The following EFHD1 variants were observed in gnomAD, a reference collection of about 807,000 sequenced individuals.
EFHD1 encodes EF-hand domain family member D1.
In EFHD1, 10 loss-of-function variants were observed where a neutral mutation model predicts 17.2. The ratio of observed to expected loss-of-function variants is 0.58; its 90% CI spans 0.36 to 0.99. The LOEUF (loss-of-function observed/expected upper bound fraction) is 0.99, where lower values mean the gene tolerates loss of function less well. Among genes scored for constraint, EFHD1 ranks in the 50% least tolerant of loss-of-function variants. The pLI, the probability that EFHD1 is intolerant of heterozygous loss-of-function variation, is 0.01. For missense variants in EFHD1, 310 were observed against 327.5 expected (o/e 0.95, Z 0.41); for synonymous variants, 153 against 142.0 (o/e 1.08, Z -0.55).
intron 1 of EFHD1, among the ~76,000 whole-genome samples, chr2:232,652,200 T>A (rs190423367): frequency 6.3e-4 from 96 of 152,326 alleles, no homozygotes; most frequent in Non-Finnish European, 1.1e-3. Flanking sequence ...GAACAATGAA[T>A]TCCTTTGCAT....
chr2:232,641,754 C>A (rs1694436188), intron 1 of EFHD1, among the ~76,000 whole-genome samples: 1 of 152,228 alleles, frequency 6.6e-6, no homozygotes, highest in Non-Finnish European at 1.5e-5. Context: ...GAATCCAGAG[C>A]CTGATCTCAT....
At chr2:232,672,194 A>G (rs1166522620) in intron 2 of EFHD1, 115 bp from the exon 3 acceptor site, 5 of 1,411,152 alleles carry the variant, frequency 3.5e-6, no homozygotes, top group Admixed American at 1.7e-5. Context: ...TGCCACATGC[A>G]TACATAAACA....
chr2:232,628,773 T>C (rs1694150178), upstream of EFHD1, among the ~76,000 whole-genome samples: 1 of 152,170 alleles, frequency 6.6e-6, no homozygotes, highest in African/African-American at 2.4e-5. Flanking sequence ...AATTTCTCCC[T>C]GGAGAGGTAG....
At chr2:232,654,561 C>G (rs537907212) in intron 1 of EFHD1, among the ~76,000 whole-genome samples, 64 of 151,784 alleles carry the variant, frequency 4.2e-4, no homozygotes, top group African/African-American at 1.5e-3. Context: ...GCTGGGATTA[C>G]AGGTGTGGGT....
intron 1 of EFHD1, among the ~76,000 whole-genome samples, chr2:232,649,556 A>ACTC (rs1450375198): frequency 6.6e-6 from 1 of 152,138 alleles, no homozygotes; most frequent in African/African-American, 2.4e-5. Flanking sequence ...GCAGCTTGTT[A>ACTC]GAGTGGAAGC....
intron 1 of EFHD1, chr2:232,638,343 A>G (rs1055825953): frequency 2.1e-6 from 1 of 470,964 alleles, no homozygotes; most frequent in Non-Finnish European, 4.4e-6. Context: ...TTGTGTTTTA[A>G]TTCCCCAAAG....
chr2:232,634,642 G>A (rs967172183), intron 1 of EFHD1, among the ~76,000 whole-genome samples: 1 of 152,144 alleles, frequency 6.6e-6, no homozygotes, highest in African/African-American at 2.4e-5. Context: ...GGCTCGTTGC[G>A]GTCCTGCTCT....
intron 3 of EFHD1, among the ~76,000 whole-genome samples, chr2:232,676,341 C>G (rs1287047115): frequency 6.6e-6 from 1 of 152,174 alleles, no homozygotes; most frequent in Non-Finnish European, 1.5e-5. Context: ...AGTTTCTGAT[C>G]ACATCCTGTT....
chr2:232,665,050 A>G (rs956441912), intron 2 of EFHD1, among the ~76,000 whole-genome samples: 1 of 151,074 alleles, frequency 6.6e-6, no homozygotes, highest in Non-Finnish European at 1.5e-5. Flanking sequence ...TAGCTGGACC[A>G]CAGGCACGTA....
chr2:232,673,014 C>G (rs1695107395), intron 3 of EFHD1, among the ~76,000 whole-genome samples: 1 of 152,244 alleles, frequency 6.6e-6, no homozygotes. Context: ...GCCTTAAACA[C>G]TGGCACCATG....
At chr2:232,676,571 G>A (rs1695176680) in intron 3 of EFHD1, among the ~76,000 whole-genome samples, 1 of 152,178 alleles carries the variant, frequency 6.6e-6, no homozygotes, top group South Asian at 2.1e-4. Flanking sequence ...GCCGGGGGTG[G>A]AGTCAGTCTC....
At chr2:232,627,064 AT>A (rs56085382) in intron 1 of EFHD1, among the ~76,000 whole-genome samples, 3,647 of 91,906 alleles carry the variant, frequency 0.04, 81 homozygotes, top group South Asian at 0.048. Flanking sequence ...ATATATATAT[AT>A]TTTTTTTTTT....
intron 3 of EFHD1, among the ~76,000 whole-genome samples, chr2:232,673,164 C>T (rs1379763107): frequency 6.6e-6 from 1 of 152,210 alleles, no homozygotes; most frequent in Admixed American, 6.5e-5. Context: ...TGTTGCCCTT[C>T]CCAGGGCACA....
intron 1 of EFHD1, among the ~76,000 whole-genome samples, chr2:232,609,128 C>T (rs1279273529): frequency 7.5e-6 from 1 of 133,706 alleles, no homozygotes; most frequent in African/African-American, 2.8e-5. Flanking sequence ...GGTGCAATCT[C>T]GGCTCACTGC....
intron 1 of EFHD1, among the ~76,000 whole-genome samples, chr2:232,621,541 C>T (rs1337145387): frequency 6.6e-6 from 1 of 152,152 alleles, no homozygotes; most frequent in Non-Finnish European, 1.5e-5. Flanking sequence ...CAACCTCCAC[C>T]TCCCGGGTTC....
chr2:232,678,903 A>G (rs574073694), intron 3 of EFHD1, among the ~76,000 whole-genome samples: 2 of 152,338 alleles, frequency 1.3e-5, no homozygotes, highest in East Asian at 3.9e-4. Context: ...TTAGCTATGC[A>G]CTTGTGAAGA....
intron 1 of EFHD1, among the ~76,000 whole-genome samples, chr2:232,647,347 G>A (rs561022137): frequency 2.6e-5 from 4 of 152,232 alleles, no homozygotes; most frequent in Non-Finnish European, 4.4e-5. Context: ...ATGGCCTGGC[G>A]CCCTGTAGTC....
At chr2:232,635,784 A>G (rs2106194487) in intron 1 of EFHD1, among the ~76,000 whole-genome samples, 1 of 151,846 alleles carries the variant, frequency 6.6e-6, no homozygotes, top group African/African-American at 2.4e-5. Context: ...ACACCATTGC[A>G]CTCCAGCCAG....
Position 232,681,872 on chromosome 2 carries a change from C to A in EFHD1, c.*153C>A. The A allele has an allele frequency of 8.0e-7, 1 of 1,257,288 alleles. No individual in the cohort carries two copies. The highest frequency in any genetic ancestry group is 1.1e-6 in the Non-Finnish European group (1 of 934,850). The allele number at this position is 1,257,288 out of a possible 1,614,324, so 77.9% of individuals were successfully genotyped here. A position where few individuals can be genotyped will look rare whatever the true frequency, so the allele number is the denominator to read the frequency against. On this transcript the variant is annotated 3_prime_UTR_variant, in exon 4 of 4. Coordinates refer to ENST00000264059, the MANE Select transcript of EFHD1 (RefSeq NM_025202.4). ...AGCTCCCGTGCCAGCCTTCATTCCTCCCAGTGTCCAAGCCCCTCCAGGAGG... is the reference window on the plus strand; with the variant it reads ...AGCTCCCGTGCCAGCCTTCATTCCTACCAGTGTCCAAGCCCCTCCAGGAGG...
Sources: gnomAD v4.1 joint callset for allele counts (sites outside exome capture counted in the v4.1 genomes callset) on GRCh38, gnomAD v4.1.1 for gene constraint, MANE v1.5 for transcripts, NCBI Gene and HGNC (gene_info 2026-07-23, HGNC 2026-07-21) for gene names.